The following ZAN variants were observed in gnomAD, a reference collection of about 807,000 sequenced individuals.
The protein encoded by ZAN is zonadhesin (gene/pseudogene).
ZAN carries 260 observed loss-of-function variants against 286.2 expected under a neutral mutation model. The observed-to-expected ratio is 0.91, with a 90% CI of 0.82 to 1.01. The LOEUF (loss-of-function observed/expected upper bound fraction) is 1.01. Among genes scored for constraint, ZAN ranks in the 50% least tolerant of loss-of-function variants. ZAN has a pLI of 0.00. For synonymous variants in ZAN, 1,368 were observed against 1,417.5 expected (o/e 0.97, Z 0.79); for missense variants, 3,410 against 3,639.2 (o/e 0.94, Z 1.62).
chr7:100,748,968 A>C (rs951501533), intron 11 of ZAN, among the ~76,000 whole-genome samples: 1 of 152,094 alleles, frequency 6.6e-6, no homozygotes, highest in African/African-American at 2.4e-5. Context: ...CTCAGAAGTC[A>C]AGGCTGCAGT....
In ZAN at chr7:100,775,508, G is replaced by A. The variant is rs374335692; in HGVS notation, c.5960G>A (p.Arg1987His). The A allele has an allele frequency of 1.7e-5, 27 of 1,613,812 alleles. No individual in the cohort carries two copies. Among genetic ancestry groups the A allele is most frequent in the Middle Eastern group, 1.6e-4 (1 of 6,082 alleles). Residue 1987 changes from arginine to histidine, a missense_variant, in exon 32 of 48, where the codon CGC becomes CAC. Physicochemically the swap from Arg to His is conservative, Grantham distance 29 (BLOSUM62 0). Around this residue, in one of 7 missense-constraint regions of ZAN, gnomAD observed 1,289 missense variants for 1,314.3 expected, o/e 0.98. Transcript: ENST00000613979. ...EKEEGGTEAF[R>H]LHEVYIDIYD... ...GAGGAAGGTGGAACTGAGGCTTTCC[G>A]CCTTCATGAGGTCTACATTGACATC...
At chr7:100,780,160 T>C (rs946019499) in intron 35 of ZAN, among the ~76,000 whole-genome samples, 1 of 149,752 alleles carries the variant, frequency 6.7e-6, no homozygotes, top group African/African-American at 2.5e-5. Flanking sequence ...GCCGTTGCAC[T>C]CCAGCCTGGG....
At chr7:100,747,524 TCTC>T (rs1323511264) in intron 8 of ZAN, 23 bp from the exon 9 acceptor site, 14 of 1,608,704 alleles carry the variant, frequency 8.7e-6, no homozygotes, top group Non-Finnish European at 1.2e-5. Context: ...TAAGCTCACT[TCTC>T]CTTCCAATTC....
In ZAN at chr7:100,773,708, C is replaced by A; in HGVS notation, c.5635-13C>A. ...AACTTTCTGTTGGCTCAGCTGATCC[C>A]TGTGGCCCACAGGTCGGGGAGCGCT... On this transcript the variant is annotated splice_polypyrimidine_tract_variant and intron_variant, in intron 30 of 47. Coordinates refer to ENST00000613979, the MANE Select transcript of ZAN (RefSeq NM_003386.3). The A allele has an allele frequency of 6.2e-7, 1 of 1,604,986 alleles. No individual in the cohort carries two copies. Among genetic ancestry groups the A allele is most frequent in the African/African-American group, 1.3e-5 (1 of 74,824 alleles).
In ZAN at chr7:100,793,859, TGACACCCTGCCCAGCA is replaced by T. The variant is rs754305367; in HGVS notation, c.7828_7843del (p.Asp2610SerfsTer54). ...GCAGGTACCATATATCAGAGCTGTA[TGACACCCTGCCCAGCA>T]TCCTGTGCCAACCTGGCAGACCCCG... On this transcript the variant is annotated frameshift_variant, in exon 43 of 48. Transcript: ENST00000613979. LOFTEE classifies it high-confidence loss of function. The T allele has an allele frequency of 6.2e-7, 1 of 1,613,086 alleles. No individual in the cohort carries two copies. The highest frequency in any genetic ancestry group is 8.5e-7 in the Non-Finnish European group (1 of 1,179,402).
intron 35 of ZAN, among the ~76,000 whole-genome samples, chr7:100,781,172 ATT>A (rs1427906956): frequency 3.3e-5 from 5 of 151,826 alleles, no homozygotes; most frequent in Admixed American, 3.3e-4. Context: ...GGTTCAAGAG[ATT>A]CTCCTGCCTC....
intron 20 of ZAN, 64 bp downstream of exon 20, chr7:100,762,422 T>C (rs3857807): frequency 0.03 from 19,249 of 649,820 alleles, 46 homozygotes; most frequent in South Asian, 0.064. Flanking sequence ...GAACTCTCTT[T>C]TTTTTTTTTT....
intron 7 of ZAN, among the ~76,000 whole-genome samples, chr7:100,744,439 A>C (rs1292964453): frequency 6.6e-6 from 1 of 150,722 alleles, no homozygotes; most frequent in Non-Finnish European, 1.5e-5. Flanking sequence ...CTCTACTAAA[A>C]ATACAAAAAA....
rs1449571145 is a variant in ZAN at position 100,767,022 on chromosome 7, G to T, written c.4625G>T (p.Cys1542Phe). The change falls in exon 25 of 48, where the codon TGC becomes TTC. Residue 1542 changes from cysteine (C) to phenylalanine (F), a missense_variant. Coordinates refer to ENST00000613979, the MANE Select transcript of ZAN (RefSeq NM_003386.3). ...YGCHAQGAATCTASGDPHYLT... is the reference protein window; with the variant it reads ...YGCHAQGAATFTASGDPHYLT... ...TTCTTCTCCACAGGTGCCGCCACCTGCACAGCCTCGGGTGACCCCCACTAC... is the reference window on the plus strand; with the variant it reads ...TTCTTCTCCACAGGTGCCGCCACCTTCACAGCCTCGGGTGACCCCCACTAC... 1.2e-6 allele frequency: 2 copies of T among 1,613,368 alleles called. No individual in the cohort carries two copies. The highest frequency in any genetic ancestry group is 1.7e-6 in the Non-Finnish European group (2 of 1,179,468).
chr7:100,748,871 A>G (rs1808414137), intron 11 of ZAN, among the ~76,000 whole-genome samples: 1 of 144,460 alleles, frequency 6.9e-6, no homozygotes, highest in Non-Finnish European at 1.6e-5. Context: ...CTCTAGAAAA[A>G]AAAATTTTTT....
intron 2 of ZAN, 60 bp from the exon 3 acceptor site, chr7:100,735,660 T>A: frequency 8.0e-7 from 1 of 1,256,756 alleles, no homozygotes; most frequent in Non-Finnish European, 1.1e-6. Context: ...AGTCACTGAA[T>A]CTTATAATTC....
At chr7:100,749,564 C>T (rs935552503) in intron 11 of ZAN, among the ~76,000 whole-genome samples, 6 of 148,466 alleles carry the variant, frequency 4.0e-5, no homozygotes, top group Admixed American at 1.4e-4. Flanking sequence ...GGCGTGAGCC[C>T]GGGAGGCAGA....
intron 42 of ZAN, 48 bp downstream of exon 42, chr7:100,792,527 G>C (rs148236040): frequency 1.2e-6 from 2 of 1,610,540 alleles, no homozygotes; most frequent in South Asian, 1.1e-5. Flanking sequence ...GCTGGCTGGC[G>C]GGACCGCACC....
At chr7:100,766,396 G>A (rs1809973758) in intron 23 of ZAN, 129 bp from the exon 24 acceptor site, 1 of 1,179,150 alleles carries the variant, frequency 8.5e-7, no homozygotes, top group East Asian at 2.6e-5. Context: ...GCTTCAGGAA[G>A]AGAGGATGTC....
chr7:100,788,377 G>T (rs1007509534), intron 38 of ZAN, among the ~76,000 whole-genome samples: 1 of 151,758 alleles, frequency 6.6e-6, no homozygotes, highest in African/African-American at 2.4e-5. Flanking sequence ...ATAGCAAGAC[G>T]CAACATCTCT....
chr7:100,743,999 G>C (rs1156415510), intron 7 of ZAN, among the ~76,000 whole-genome samples: 1 of 150,932 alleles, frequency 6.6e-6, no homozygotes, highest in Non-Finnish European at 1.5e-5. Context: ...GTACAGGTGT[G>C]AGCTGCCACG....
At chr7:100,791,931 G>A (rs1278815110) in intron 40 of ZAN, 35 bp from the exon 41 acceptor site, 1 of 1,581,950 alleles carries the variant, frequency 6.3e-7, no homozygotes, top group South Asian at 1.2e-5. Flanking sequence ...CCTTCCTTGG[G>A]GCCTCACCTG....
rs749997956 is a variant in ZAN at position 100,787,865 on chromosome 7, TCTCA to T, written c.6980-21_6980-18del. On this transcript the variant is annotated intron_variant, in intron 37 of 47. Coordinates refer to ENST00000613979, the MANE Select transcript of ZAN (RefSeq NM_003386.3). The stretch of plus-strand genomic sequence containing the variant: ...GCGTGAGCCACTGCGCCCGGCCCCT[TCTCA>T]CTGTCTGACTTCTTGGCAGAGTCTG... The T allele has an allele frequency of 3.8e-4, 558 of 1,470,294 alleles. 5 individuals are homozygous for T. Among genetic ancestry groups the T allele is most frequent in the Middle Eastern group, 7.6e-4 (4 of 5,274 alleles). 91.1% of individuals were successfully genotyped at this position (1,470,294 alleles called of 1,614,324 possible).
At chr7:100,738,895 C>G (rs1398512043) in intron 7 of ZAN, among the ~76,000 whole-genome samples, 1 of 2,190 alleles carries the variant, frequency 4.6e-4, no homozygotes, top group African/African-American at 1.2e-3. Context: ...CTCTCCCTCT[C>G]CCTCTCCCTC....
Sources: allele counts gnomAD v4.1 joint callset (sites outside exome capture counted in the v4.1 genomes callset), GRCh38; gene constraint gnomAD v4.1.1; regional missense constraint gnomAD v4.1.1; transcripts MANE v1.5; gene names NCBI Gene and HGNC (gene_info 2026-07-23, HGNC 2026-07-21).